HDGFL3: variants seen among roughly 807,000 people sequenced by gnomAD.
HDGFL3 encodes the protein hepatoma-derived growth factor-related protein 3.
Under a neutral mutation model 27.6 loss-of-function variants are expected in HDGFL3, and 6 were observed. That is an observed-to-expected ratio of 0.22 (90% CI 0.12 to 0.43). The LOEUF (loss-of-function observed/expected upper bound fraction) is 0.43, where lower values mean the gene tolerates loss of function less well. Among genes scored for constraint, HDGFL3 ranks in the 20% least tolerant of loss-of-function variants. The probability of loss-of-function intolerance (pLI) is 1.00; values close to 1 mark genes in which losing one functional copy is unlikely to be tolerated. For missense variants in HDGFL3, 207 were observed against 250.1 expected, an observed-to-expected ratio of 0.83 and a Z score of 1.16; for synonymous variants, 88 against 88.9, an observed-to-expected ratio of 0.99 and a Z score of 0.05.
chr15:83,153,497 T>C (rs1385720012), intron 4 of HDGFL3, among the ~76,000 whole-genome samples: 2 of 152,234 alleles, frequency 1.3e-5, no homozygotes, highest in East Asian at 3.8e-4. Flanking sequence ...TTTGGTATTC[T>C]ATGAAGAAAT....
At chr15:83,154,598 T>G (rs1432362430) in intron 4 of HDGFL3, among the ~76,000 whole-genome samples, 1 of 152,152 alleles carries the variant, frequency 6.6e-6, no homozygotes, top group Non-Finnish European at 1.5e-5. Flanking sequence ...AATGTCATGT[T>G]ATAATGTGGT....
At chr15:83,200,313 T>C (rs1232339851) in intron 1 of HDGFL3, among the ~76,000 whole-genome samples, 1 of 149,950 alleles carries the variant, frequency 6.7e-6, no homozygotes, top group East Asian at 2.0e-4. Context: ...CCAGCCTTCA[T>C]GACAGAGCAA....
At chr15:83,123,979 G>C, downstream of HDGFL3, among the ~76,000 whole-genome samples, 1 of 152,148 alleles carries the variant, frequency 6.6e-6, no homozygotes, top group Admixed American at 6.5e-5. Context: ...CAATAATTCT[G>C]CTCCTAGAGC....
exon 4 of HDGFL3, chr15:83,115,465 A>G (rs988988115): frequency 3.2e-5 from 12 of 373,396 alleles, no homozygotes; most frequent in South Asian, 2.5e-4. Flanking sequence ...TTCCTTGGCC[A>G]CTCAGTTACT....
At chr15:83,112,822 G>A (rs1290334245) in exon 4 of HDGFL3, 4 of 1,614,086 alleles carry the variant, frequency 2.5e-6, no homozygotes, top group Non-Finnish European at 3.4e-6. Flanking sequence ...AGGGGTTGCT[G>A]CCCTCATCCT....
In HDGFL3 at chr15:83,207,294, G is replaced by A. The variant is rs745584862; in HGVS notation, c.84+37C>T. 2 of 1,295,424 alleles carry A rather than the reference G, an allele frequency of 1.5e-6. No homozygotes were observed. The highest frequency in any genetic ancestry group is 6.2e-5 in the East Asian group (2 of 32,472). The allele number at this position is 1,295,424 out of a possible 1,614,324, so 80.2% of individuals were successfully genotyped here. A position where few individuals can be genotyped will look rare whatever the true frequency, so the allele number is the denominator to read the frequency against. On this transcript the variant is annotated intron_variant, in intron 1 of 5. Coordinates refer to ENST00000299633, the MANE Select transcript of HDGFL3 (RefSeq NM_016073.4). This position sits in a 1 kb window ranked among gnomAD's most constrained non-coding sequence, Gnocchi z 4.8. ...GCGCGCCATCATGAAGGGGAAAATG[G>A]TGGGCGGGCGGGCCCGCGCGCGGCC...
At chr15:83,194,760 A>G (rs1268995961) in intron 1 of HDGFL3, among the ~76,000 whole-genome samples, 1 of 152,152 alleles carries the variant, frequency 6.6e-6, no homozygotes, top group Non-Finnish European at 1.5e-5. Flanking sequence ...AATGAATTTT[A>G]GTGCAGCTCC....
intron 5 of HDGFL3, chr15:83,144,577 A>C: frequency 2.2e-6 from 1 of 455,484 alleles, no homozygotes; most frequent in Non-Finnish European, 4.4e-6. Flanking sequence ...AAGGCATCAG[A>C]GGAGGCCTCT....
intron 1 of HDGFL3, among the ~76,000 whole-genome samples, chr15:83,190,779 A>G (rs1251622621): frequency 6.6e-6 from 1 of 152,190 alleles, no homozygotes; most frequent in Admixed American, 6.5e-5. Context: ...AATGTACACA[A>G]TTTTATTAAT....
intron 1 of HDGFL3, among the ~76,000 whole-genome samples, chr15:83,200,271 C>T: frequency 6.7e-6 from 1 of 149,658 alleles, no homozygotes; most frequent in East Asian, 2.0e-4. Context: ...GGAGGCGGAG[C>T]TTGCAGTGAG....
intron 3 of HDGFL3, among the ~76,000 whole-genome samples, chr15:83,120,845 C>T (rs1229997876): frequency 3.3e-5 from 5 of 151,288 alleles, no homozygotes; most frequent in African/African-American, 4.9e-5. Flanking sequence ...GGATTACAGG[C>T]GTGAACCACC....
intron 3 of HDGFL3, chr15:83,122,673 G>T: frequency 1.3e-6 from 2 of 1,493,324 alleles, no homozygotes; most frequent in South Asian, 1.3e-5. Flanking sequence ...AATTTTAGAT[G>T]ACCTGAGATG....
At chr15:83,202,570 T>C (rs1443466693) in intron 1 of HDGFL3, among the ~76,000 whole-genome samples, 1 of 152,130 alleles carries the variant, frequency 6.6e-6, no homozygotes, top group Non-Finnish European at 1.5e-5. Context: ...AACAACTCAC[T>C]GAAAGCTAAA....
At chr15:83,198,718 A>C (rs2037601809) in intron 1 of HDGFL3, among the ~76,000 whole-genome samples, 1 of 152,206 alleles carries the variant, frequency 6.6e-6, no homozygotes, top group African/African-American at 2.4e-5. Context: ...GTGAAAAGCA[A>C]CCAAACAGGA....
intron 3 of HDGFL3, chr15:83,122,153 TA>T (rs35354291): frequency 8.5e-6 from 6 of 707,830 alleles, no homozygotes; most frequent in Non-Finnish European, 1.4e-5. Context: ...TTCTCACCTT[TA>T]AAAAAAGTAC....
At chr15:83,166,185 A>C (rs2037170136) in intron 1 of HDGFL3, among the ~76,000 whole-genome samples, 2 of 152,226 alleles carry the variant, frequency 1.3e-5, no homozygotes, top group South Asian at 4.1e-4. Flanking sequence ...AAAGAAAAAA[A>C]TATTGAAGGC....
rs748892105 is a variant in HDGFL3, at chr15:83,136,912, TCATC to T, written c.*2354_*2357del. The T allele has an allele frequency of 3.1e-6, 1 of 319,370 alleles. No homozygotes were observed. The highest frequency in any genetic ancestry group is 5.7e-6 in the Non-Finnish European group (1 of 174,452). The allele number at this position is 319,370 out of a possible 1,614,324, so 19.8% of individuals were successfully genotyped here. ...CAAAATCATTTGTGAATAAACTTGA[TCATC>T]CATCTCAATATTGTTTGACATATAA... On this transcript the variant is annotated 3_prime_UTR_variant, in exon 6 of 6. Transcript: ENST00000299633.
downstream of HDGFL3, chr15:83,122,943 C>A: frequency 2.5e-6 from 4 of 1,582,388 alleles, 1 homozygote; most frequent in South Asian, 3.4e-5. Context: ...CATCCACTGG[C>A]CACTGAATTG....
Position 83,132,731 on chromosome 15 carries a change from C to T in HDGFL3, c.*6539G>A, listed in dbSNP as rs1456521988. On this transcript the variant is annotated 3_prime_UTR_variant, in exon 6 of 6. Coordinates refer to ENST00000299633, the MANE Select transcript of HDGFL3 (RefSeq NM_016073.4). The stretch of plus-strand genomic sequence containing the variant: ...TCATACGGTTTTTCCCTCATGGAGA[C>T]GTTAAGAAAAATCTGAAAGTAACAG... The T allele has an allele frequency of 2.0e-5, 3 of 151,848 alleles. No homozygotes were observed. The highest frequency in any genetic ancestry group is 4.4e-5 in the Non-Finnish European group (3 of 67,998). 9.4% of individuals were successfully genotyped at this position (151,848 alleles called of 1,614,324 possible).
Sources: allele counts gnomAD v4.1 joint callset (sites outside exome capture counted in the v4.1 genomes callset), GRCh38; gene constraint gnomAD v4.1.1; non-coding constraint Gnocchi (gnomAD v3.1); transcripts MANE v1.5; gene names NCBI Gene and HGNC (gene_info 2026-07-23, HGNC 2026-07-21).